The following MYO18B variants were observed in gnomAD, a reference collection of about 807,000 sequenced individuals.
The protein encoded by MYO18B is myosin XVIIIB, also known as unconventional myosin-XVIIIb.
In MYO18B, 204 loss-of-function variants were observed where a neutral mutation model predicts 273.0. The ratio of observed to expected loss-of-function variants is 0.75; its 90% CI spans 0.67 to 0.84. The LOEUF is 0.84. MYO18B is among the 40% of genes least tolerant of loss of function. The pLI, the probability that MYO18B is intolerant of heterozygous loss-of-function variation, is 0.00. For missense variants in MYO18B, 3,212 were observed against 3,287.6 expected, an observed-to-expected ratio of 0.98 and a Z score of 0.56; for synonymous variants, 1,330 against 1,305.7, an observed-to-expected ratio of 1.02 and a Z score of -0.40.
chr22:25,920,991 T>C (rs2092331874), intron 33 of MYO18B, among the ~76,000 whole-genome samples: 1 of 152,190 alleles, frequency 6.6e-6, no homozygotes, highest in South Asian at 2.1e-4. Flanking sequence ...GCAGCAATGA[T>C]AGTAACTCAT....
At chr22:25,907,081 G>A (rs1431366218) in intron 31 of MYO18B, among the ~76,000 whole-genome samples, 7 of 152,118 alleles carry the variant, frequency 4.6e-5, no homozygotes, top group African/African-American at 1.7e-4. Context: ...AGCTTTCTTG[G>A]GCCCTGTACC....
rs571808398 is a variant in MYO18B at position 25,828,272 on chromosome 22, GC to G, written c.2787-501del. 6.9e-3 allele frequency among the ~76,000 whole-genome samples: 1,057 copies of G among 152,268 alleles called. 15 individuals carry two copies. The highest frequency in any genetic ancestry group is 0.024 in the African/African-American group (1,003 of 41,562). On this transcript the variant is annotated intron_variant, in intron 14 of 43. Transcript: ENST00000335473. ...CCTCTGTCACAGAGCAAGGATTGAAGCCCACATGTGACTGGCTCCAAAATCT... is the reference window on the plus strand; with the variant it reads ...CCTCTGTCACAGAGCAAGGATTGAAGCCACATGTGACTGGCTCCAAAATCT...
chr22:25,971,412 G>A (rs2093035110), intron 39 of MYO18B, among the ~76,000 whole-genome samples: 1 of 152,218 alleles, frequency 6.6e-6, no homozygotes, highest in African/African-American at 2.4e-5. Flanking sequence ...TTTTGCACAT[G>A]TTAAGTGGTC....
At chr22:25,953,647 G>A (rs2146638166) in intron 38 of MYO18B, 1 of 152,286 alleles carries the variant, frequency 6.6e-6, no homozygotes, top group African/African-American at 2.4e-5. Flanking sequence ...AGATCACCAT[G>A]AAACTTTGAT....
At chr22:25,906,383 A>G (rs1378216789) in intron 31 of MYO18B, among the ~76,000 whole-genome samples, 1 of 152,246 alleles carries the variant, frequency 6.6e-6, no homozygotes, top group Non-Finnish European at 1.5e-5. Flanking sequence ...CAAGAAGTTG[A>G]CATTTAAAGT....
intron 1 of MYO18B, among the ~76,000 whole-genome samples, chr22:25,751,223 A>C (rs1451397966): frequency 6.6e-6 from 1 of 152,232 alleles, no homozygotes; most frequent in Non-Finnish European, 1.5e-5. Context: ...GGAAGGACAG[A>C]AATCTCAGAG....
chr22:25,752,399 G>T (rs1461245222), intron 1 of MYO18B, among the ~76,000 whole-genome samples: 1 of 151,222 alleles, frequency 6.6e-6, no homozygotes, highest in African/African-American at 2.4e-5. Context: ...GTTTTAGCCG[G>T]GATGGTCTCG....
intron 12 of MYO18B, among the ~76,000 whole-genome samples, chr22:25,799,131 T>TTGTGTG (rs61488241): frequency 0.2 from 29,295 of 144,976 alleles, 3,382 homozygotes; most frequent in Middle Eastern, 0.29. Context: ...GTGTTTACGT[T>TTGTGTG]TGTGTGTGTG....
intron 39 of MYO18B, among the ~76,000 whole-genome samples, chr22:25,967,578 G>C (rs147288317): frequency 6.6e-6 from 1 of 152,192 alleles, no homozygotes; most frequent in Non-Finnish European, 1.5e-5. Context: ...GTTGGGAAGC[G>C]AAATGGTTTT....
intron 39 of MYO18B, among the ~76,000 whole-genome samples, chr22:25,967,103 C>T (rs1601711227): frequency 6.6e-6 from 1 of 152,164 alleles, no homozygotes; most frequent in Non-Finnish European, 1.5e-5. Context: ...AGATGGCAAA[C>T]AGAGGAGCAG....
chr22:26,036,349 C>T, the MYO18B span, among the ~76,000 whole-genome samples: 3 of 152,186 alleles, frequency 2.0e-5, no homozygotes, highest in South Asian at 2.1e-4. Flanking sequence ...TAAGAATCAT[C>T]ATAGCTCCCA....
intron 39 of MYO18B, among the ~76,000 whole-genome samples, chr22:25,988,464 A>G (rs958019393): frequency 3.9e-5 from 6 of 152,118 alleles, no homozygotes; most frequent in African/African-American, 1.4e-4. Flanking sequence ...TGGCAGATCC[A>G]CGAACCCTGT....
chr22:25,986,056 A>G (rs998326060), intron 39 of MYO18B, among the ~76,000 whole-genome samples: 1 of 152,228 alleles, frequency 6.6e-6, no homozygotes, highest in African/African-American at 2.4e-5. Flanking sequence ...TCTGGGAAAG[A>G]TTCCCTCACC....
chr22:26,052,675 A>G, the MYO18B span, among the ~76,000 whole-genome samples: 1 of 152,192 alleles, frequency 6.6e-6, no homozygotes, highest in East Asian at 1.9e-4. Context: ...TTTTTGATTA[A>G]GTGTTGAGAA....
chr22:25,809,364 G>A (rs182575366), intron 12 of MYO18B, among the ~76,000 whole-genome samples: 36 of 152,322 alleles, frequency 2.4e-4, no homozygotes, highest in Non-Finnish European at 4.7e-4. Context: ...AGAAATGACA[G>A]TAATGTTCGG....
intron 15 of MYO18B, among the ~76,000 whole-genome samples, chr22:25,832,711 A>G (rs1289802564): frequency 1.3e-5 from 2 of 152,160 alleles, no homozygotes; most frequent in African/African-American, 2.4e-5. Context: ...AACAACATGA[A>G]TGTACCTTAT....
At chr22:25,755,603 G>C (rs1242263861) in intron 1 of MYO18B, among the ~76,000 whole-genome samples, 2 of 152,216 alleles carry the variant, frequency 1.3e-5, no homozygotes, top group Non-Finnish European at 2.9e-5. Context: ...GTTGGAGGTG[G>C]GACCTAGTGG....
the MYO18B span, among the ~76,000 whole-genome samples, chr22:26,060,587 G>A: frequency 4.6e-5 from 7 of 151,838 alleles, no homozygotes; most frequent in African/African-American, 9.7e-5. Flanking sequence ...ACATACACAC[G>A]TATACACACA....
chr22:26,054,516 G>A, the MYO18B span, among the ~76,000 whole-genome samples: 1 of 152,210 alleles, frequency 6.6e-6, no homozygotes, highest in Non-Finnish European at 1.5e-5. Flanking sequence ...TTGAACCTGG[G>A]ATCATTCAGG....
Sources: allele counts gnomAD v4.1 joint callset (sites outside exome capture counted in the v4.1 genomes callset), GRCh38; gene constraint gnomAD v4.1.1; transcripts MANE v1.5; gene names NCBI Gene and HGNC (gene_info 2026-07-23, HGNC 2026-07-21).